The following PDE1C variants were observed in gnomAD, a reference collection of about 807,000 sequenced individuals.
PDE1C encodes dual specificity calcium/calmodulin-dependent 3',5'-cyclic nucleotide phosphodiesterase 1C.
A neutral mutation model predicts 93.1 loss-of-function variants in PDE1C; 62 were observed. That is an observed-to-expected ratio of 0.67 (90% CI 0.54 to 0.82). The LOEUF (loss-of-function observed/expected upper bound fraction) is 0.82, where lower values mean the gene tolerates loss of function less well. PDE1C is among the 40% of genes least tolerant of loss of function. PDE1C has a pLI of 0.00. For missense variants in PDE1C, 742 were observed against 884.6 expected, an observed-to-expected ratio of 0.84 and a Z score of 2.04; for synonymous variants, 325 against 310.1, an observed-to-expected ratio of 1.05 and a Z score of -0.50.
At chr7:32,177,825 A>C (rs1803115952) in intron 2 of PDE1C, among the ~76,000 whole-genome samples, 2 of 152,080 alleles carry the variant, frequency 1.3e-5, no homozygotes, top group Non-Finnish European at 2.9e-5. Context: ...TTTCAATGTC[A>C]GTCACCTCCT....
chr7:32,259,861 C>T (rs1810075410), intron 1 of PDE1C, among the ~76,000 whole-genome samples: 1 of 152,166 alleles, frequency 6.6e-6, no homozygotes, highest in Admixed American at 6.5e-5. Flanking sequence ...TTACTTTGCA[C>T]ATTCACTTCT....
the PDE1C span, among the ~76,000 whole-genome samples, chr7:31,740,406 G>A: frequency 6.6e-6 from 1 of 152,166 alleles, no homozygotes; most frequent in East Asian, 1.9e-4. Flanking sequence ...CATTTGATGA[G>A]TCTAAGTAAG....
intron 8 of PDE1C, 40 bp from the exon 9 acceptor site, chr7:31,848,136 T>G: frequency 1.9e-6 from 3 of 1,602,474 alleles, no homozygotes; most frequent in Non-Finnish European, 2.6e-6. Flanking sequence ...TGTTAAACAG[T>G]TGTGATTTAC....
chr7:32,197,203 TA>T (rs1804686762), intron 2 of PDE1C, among the ~76,000 whole-genome samples: 1 of 152,162 alleles, frequency 6.6e-6, no homozygotes, highest in African/African-American at 2.4e-5. Flanking sequence ...TAAAATATGC[TA>T]AACATTATTA....
chr7:31,951,490 G>T (rs1807373175), intron 2 of PDE1C, among the ~76,000 whole-genome samples: 1 of 152,140 alleles, frequency 6.6e-6, no homozygotes, highest in Non-Finnish European at 1.5e-5. Flanking sequence ...GCAGTTCTTG[G>T]TAGCTAAGTA....
chr7:31,838,781 T>C (rs1323507412), intron 9 of PDE1C, among the ~76,000 whole-genome samples: 1 of 152,076 alleles, frequency 6.6e-6, no homozygotes, highest in Non-Finnish European at 1.5e-5. Flanking sequence ...CTGCTTACAA[T>C]TTACATAAAT....
chr7:32,272,986 C>G (rs966521247), intron 1 of PDE1C, among the ~76,000 whole-genome samples: 4 of 152,124 alleles, frequency 2.6e-5, no homozygotes, highest in African/African-American at 9.7e-5. Context: ...TTAGTTAACC[C>G]TATGATACGG....
At chr7:32,387,611 C>T (rs1395489148) in intron 1 of PDE1C, among the ~76,000 whole-genome samples, 2 of 148,166 alleles carry the variant, frequency 1.3e-5, no homozygotes, top group Non-Finnish European at 3.0e-5. Context: ...CCGGATGGGG[C>T]GGCTGGCCAG....
At chr7:32,411,803 ACACAAACATATTGTACAGCTGTG>A (rs1785175962) in intron 1 of PDE1C, among the ~76,000 whole-genome samples, 1 of 151,750 alleles carries the variant, frequency 6.6e-6, no homozygotes, top group Non-Finnish European at 1.5e-5. Flanking sequence ...GTAGCTTAAA[ACACAAACATATTGTACAGCTGTG>A]CAAAAAAAAA....
chr7:32,255,643 A>G (rs767497274), intron 1 of PDE1C, among the ~76,000 whole-genome samples: 18 of 152,244 alleles, frequency 1.2e-4, no homozygotes, highest in Non-Finnish European at 2.4e-4. Flanking sequence ...ATGCAAGGAA[A>G]CAAAAGGTTT....
chr7:31,955,646 T>G (rs898238015), intron 2 of PDE1C, among the ~76,000 whole-genome samples: 1 of 152,142 alleles, frequency 6.6e-6, no homozygotes, highest in South Asian at 2.1e-4. Context: ...AGGTTGAACA[T>G]TTAACTCATG....
the PDE1C span, among the ~76,000 whole-genome samples, chr7:31,621,835 C>T: frequency 0.15 from 23,200 of 151,340 alleles, 2,180 homozygotes; most frequent in East Asian, 0.28. Flanking sequence ...AGTCAAGACC[C>T]ATCAGTGTGT....
intron 2 of PDE1C, among the ~76,000 whole-genome samples, chr7:31,991,805 A>G (rs1192916346): frequency 2.6e-5 from 4 of 152,210 alleles, no homozygotes; most frequent in Non-Finnish European, 4.4e-5. Context: ...AGAACTCAAT[A>G]AACAGTGGTT....
chr7:32,000,026 C>T (rs912917212), intron 2 of PDE1C, among the ~76,000 whole-genome samples: 1 of 152,166 alleles, frequency 6.6e-6, no homozygotes, highest in Non-Finnish European at 1.5e-5. Flanking sequence ...ATTTGGCAAG[C>T]TGCTCAGCCC....
chr7:31,836,659 C>A (rs1159955662), intron 11 of PDE1C, among the ~76,000 whole-genome samples: 1 of 152,132 alleles, frequency 6.6e-6, no homozygotes, highest in Non-Finnish European at 1.5e-5. Flanking sequence ...ATAGACAACA[C>A]AACTCTGGAA....
intron 1 of PDE1C, among the ~76,000 whole-genome samples, chr7:32,420,280 T>TAC (rs1292120211): frequency 2.7e-5 from 1 of 37,050 alleles, no homozygotes; most frequent in African/African-American, 8.3e-5. Flanking sequence ...TGTATATATA[T>TAC]ACATGTGTAT....
intron 16 of PDE1C, among the ~76,000 whole-genome samples, chr7:31,777,944 A>C (rs1416943488): frequency 6.6e-6 from 1 of 151,826 alleles, no homozygotes; most frequent in East Asian, 1.9e-4. Context: ...CAGTTCTTGA[A>C]CCTCAGTTGA....
In PDE1C at chr7:32,070,305, C is replaced by G; in HGVS notation, c.89G>C (p.Arg30Pro). The G allele has an allele frequency of 6.2e-7, 1 of 1,614,170 alleles. No homozygotes were observed. Among genetic ancestry groups the G allele is most frequent in the Non-Finnish European group, 8.5e-7 (1 of 1,180,038 alleles). The change falls in exon 1 of 18, where the codon CGG becomes CCG. Residue 30 changes from arginine to proline, a missense_variant. By Grantham distance (103) the Arg-to-Pro change is moderately radical. Transcript: ENST00000396191. ...QPEQIEKIWLRLRGLRKYKKT... is the reference protein window; with the variant it reads ...QPEQIEKIWLPLRGLRKYKKT... Reference sequence around the variant, plus strand: ...TAGGTATACTTACAGCCCGCGGAGCCGAAGCCAGATTTTCTCGATCTGTTC... The same window carrying G: ...TAGGTATACTTACAGCCCGCGGAGCGGAAGCCAGATTTTCTCGATCTGTTC...
chr7:32,017,369 A>G (rs934318282), intron 2 of PDE1C, among the ~76,000 whole-genome samples: 3 of 152,200 alleles, frequency 2.0e-5, no homozygotes, highest in African/African-American at 7.2e-5. Context: ...ATAGATCTAA[A>G]TGTAAGAGTT....
Sources: allele counts gnomAD v4.1 joint callset (sites outside exome capture counted in the v4.1 genomes callset), GRCh38; gene constraint gnomAD v4.1.1; transcripts MANE v1.5; gene names NCBI Gene and HGNC (gene_info 2026-07-23, HGNC 2026-07-21).